RHBDL1: variants seen among roughly 807,000 people sequenced by gnomAD.
RHBDL1 encodes rhomboid-related protein 1.
Under a neutral mutation model 34.0 loss-of-function variants are expected in RHBDL1, and 21 were observed. That is an observed-to-expected ratio of 0.62 (90% confidence interval 0.44 to 0.89). The LOEUF is 0.89. RHBDL1 is among the 40% of genes least tolerant of loss of function. The pLI is 0.00. For missense variants in RHBDL1, 450 were observed against 530.6 expected, an observed-to-expected ratio of 0.85 and a Z score of 1.49; for synonymous variants, 268 against 234.8, an observed-to-expected ratio of 1.14 and a Z score of -1.29.
chr16:675,786 G>T lies in RHBDL1; in HGVS notation c.-5G>T. On this transcript the variant is annotated 5_prime_UTR_variant, in exon 1 of 8. Transcript: ENST00000352681. The stretch of plus-strand genomic sequence containing the variant: ...ACCCCGGACCCCGGCCCCCGGCCAG[G>T]CTCTATGGACAGGAGCTCGCTGCTG... 1 of 1,484,270 alleles carries T rather than the reference G, an allele frequency of 6.7e-7. No homozygotes were observed. The allele number at this position is 1,484,270 out of a possible 1,614,324, so 91.9% of individuals were successfully genotyped here.
chr16:677,241 C>A, intron 4 of RHBDL1, 35 bp from the exon 5 acceptor site: 3 of 1,554,544 alleles, frequency 1.9e-6, no homozygotes, highest in Non-Finnish European at 2.6e-6. Flanking sequence ...ATGGCTGACC[C>A]CACCCTTCGT....
In RHBDL1 at chr16:677,904, C is replaced by T; in HGVS notation, c.974C>T (p.Thr325Ile). Residue 325 changes from threonine (T) to isoleucine (I), a missense_variant, in exon 8 of 8, where the codon ACC becomes ATC. Thr to Ile is a moderately conservative substitution (Grantham distance 89). Transcript: ENST00000352681. ...GAVVGVSMGLTILRSYEERLR... is the reference protein window; with the variant it reads ...GAVVGVSMGLIILRSYEERLR... ...GTGGTGGGGGTGAGCATGGGCCTGA[C>T]CATCCTGCGGAGCTACGAGGAGCGC... is the stretch of plus-strand genomic sequence containing the variant. 1 of 1,602,284 alleles carries T rather than the reference C, an allele frequency of 6.2e-7. No homozygotes were observed. The highest frequency in any genetic ancestry group is 8.5e-7 in the Non-Finnish European group (1 of 1,178,994).
chr16:677,229 G>A lies in RHBDL1; in HGVS notation c.576-47G>A, dbSNP rs756491614. On this transcript the variant is annotated intron_variant, in intron 4 of 7. Coordinates refer to ENST00000352681, the MANE Select transcript of RHBDL1 (RefSeq NM_001278720.2). ...TGAGGTGACGGCTGGGGGTGGGGCC[G>A]GATGGCTGACCCCACCCTTCGTACC... 1.4e-4 allele frequency: 212 copies of A among 1,552,014 alleles called. 1 individual carries two copies. Among genetic ancestry groups the A allele is most frequent in the Non-Finnish European group, 1.6e-4 (188 of 1,147,118 alleles).
Position 678,234 on chromosome 16 carries a change from C to T in RHBDL1, c.*182C>T, listed in dbSNP as rs894447130. 35 of 1,367,788 alleles carry T rather than the reference C, an allele frequency of 2.6e-5. No individual in the cohort carries two copies. Among genetic ancestry groups the T allele is most frequent in the Non-Finnish European group, 3.2e-5 (34 of 1,066,882 alleles). 84.7% of individuals were successfully genotyped at this position (1,367,788 alleles called of 1,614,324 possible). On this transcript the variant is annotated 3_prime_UTR_variant, in exon 8 of 8. Coordinates refer to ENST00000352681, the MANE Select transcript of RHBDL1 (RefSeq NM_001278720.2). The stretch of plus-strand genomic sequence containing the variant: ...CCACTCCCAGGACTTGCGGTCTGAG[C>T]CTTTTTGGATAATTAATAAATATTT...
chr16:677,584 C>T (rs766907463), intron 6 of RHBDL1, 25 bp downstream of exon 6: 33 of 1,606,358 alleles, frequency 2.1e-5, no homozygotes, highest in South Asian at 4.4e-5. Context: ...CGGTGGGGGG[C>T]GTGGGGAGGG....
At position 677,493 on chromosome 16, in the gene RHBDL1, C is replaced by A; in HGVS notation, c.723C>A (p.Ala241=). The stretch of plus-strand genomic sequence containing the variant: ...CCGTCTCCATCACCGACATGCGGGC[C>A]CCGGTGGTGGGAGGCTCCGGCGGGG... ...SLTVSITDMR[A]PVVGGSGGVY... is the part of the protein sequence containing the mutation. Residue 241 remains alanine, a synonymous_variant, in exon 6 of 8, where the codon GCC becomes GCA. Coordinates refer to ENST00000352681, the MANE Select transcript of RHBDL1 (RefSeq NM_001278720.2). 1 of 1,609,054 alleles carries A rather than the reference C, an allele frequency of 6.2e-7. No homozygotes were observed.
Position 676,300 on chromosome 16 carries a change from C to G in RHBDL1, c.40-36C>G. ...AGCCCTTTGGTCCAGGGGTCGGGCC[C>G]GCACTCAGGCCTTGGCTGGCGGCTC... On this transcript the variant is annotated intron_variant, in intron 1 of 7. Transcript: ENST00000352681. This position sits in a 1 kb window ranked among gnomAD's most constrained non-coding sequence, Gnocchi z 6.9. 1.9e-6 allele frequency: 3 copies of G among 1,599,812 alleles called. No individual in the cohort carries two copies. Among genetic ancestry groups the G allele is most frequent in the East Asian group, 2.3e-5 (1 of 44,130 alleles).
chr16:677,399 C>G lies in RHBDL1; in HGVS notation c.688+11C>G. The G allele has an allele frequency of 6.4e-7, 1 of 1,564,798 alleles. No individual in the cohort carries two copies. Among genetic ancestry groups the G allele is most frequent in the Admixed American group, 1.9e-5 (1 of 53,480 alleles). ...CAGGCGTGCTGGCAGGTGAGGCAGGCGCGCACCCCCGCCCCCTGCCCTGGC... is the reference window on the plus strand; with the variant it reads ...CAGGCGTGCTGGCAGGTGAGGCAGGGGCGCACCCCCGCCCCCTGCCCTGGC... On this transcript the variant is annotated intron_variant, in intron 5 of 7. Transcript: ENST00000352681.
Position 677,709 on chromosome 16 carries a change from G to C in RHBDL1, c.850+10G>C, listed in dbSNP as rs1193055767. ...CTGGCCTTGGTGTGCAGTGAGTAGGGGCCGGGGGGAGGGCCGGGGGGCCTC... is the reference window on the plus strand; with the variant it reads ...CTGGCCTTGGTGTGCAGTGAGTAGGCGCCGGGGGGAGGGCCGGGGGGCCTC... On this transcript the variant is annotated intron_variant, in intron 7 of 7. Coordinates refer to ENST00000352681, the MANE Select transcript of RHBDL1 (RefSeq NM_001278720.2). The C allele has an allele frequency of 6.5e-7, 1 of 1,530,736 alleles. No homozygotes were observed. The highest frequency in any genetic ancestry group is 1.4e-5 in the African/African-American group (1 of 72,412). The allele number at this position is 1,530,736 out of a possible 1,614,324, so 94.8% of individuals were successfully genotyped here. A position where few individuals can be genotyped will look rare whatever the true frequency, so the allele number is the denominator to read the frequency against.
rs765930196 is a variant in RHBDL1 at position 677,992 on chromosome 16, C to T, written c.1062C>T (p.Ala354=). 41 of 1,599,512 alleles carry T rather than the reference C, an allele frequency of 2.6e-5. No homozygotes were observed. The highest frequency in any genetic ancestry group is 3.3e-5 in the Admixed American group (2 of 59,814). Residue 354 remains alanine (A), a synonymous_variant, in exon 8 of 8, where the codon GCC becomes GCT. Coordinates refer to ENST00000352681, the MANE Select transcript of RHBDL1 (RefSeq NM_001278720.2). ...CCTACGGCACCTTCCTGCTCTTCGC[C>T]GTCTTCTGGAACGTCTTCGCCTACG... is the stretch of plus-strand genomic sequence containing the variant. ...LLAYGTFLLF[A]VFWNVFAYDL...
chr16:676,172 C>T lies in RHBDL1; in HGVS notation c.40-164C>T. ...TGGGACCCAGGCACCAGTGCCCTGC[C>T]AGCTCCTGGGATCAAGCAGGGTCCC... On this transcript the variant is annotated intron_variant, in intron 1 of 7. Coordinates refer to ENST00000352681, the MANE Select transcript of RHBDL1 (RefSeq NM_001278720.2). The surrounding 1 kb of genome is among the most constrained non-coding windows in gnomAD (Gnocchi z 6.9). 1 of 1,489,120 alleles carries T rather than the reference C, an allele frequency of 6.7e-7. No individual in the cohort carries two copies. Among genetic ancestry groups the T allele is most frequent in the Non-Finnish European group, 9.0e-7 (1 of 1,115,682 alleles). 92.2% of individuals were successfully genotyped at this position (1,489,120 alleles called of 1,614,324 possible). A position where few individuals can be genotyped will look rare whatever the true frequency, so the allele number is the denominator to read the frequency against.
rs578122354 is a variant in RHBDL1 at position 676,912 on chromosome 16, G to C, written c.426+16G>C. 6.2e-7 allele frequency: 1 copy of C among 1,610,906 alleles called. No individual in the cohort carries two copies. Among genetic ancestry groups the C allele is most frequent in the African/African-American group, 1.3e-5 (1 of 74,616 alleles). On this transcript the variant is annotated intron_variant, in intron 3 of 7. Coordinates refer to ENST00000352681, the MANE Select transcript of RHBDL1 (RefSeq NM_001278720.2). The surrounding 1 kb of genome is among the most constrained non-coding windows in gnomAD (Gnocchi z 6.9). ...TCTTGCCCAGGTGGGCCCCCCGGCC[G>C]CTGCCCCGGGAGCCTCCCGCGCTCC...
intron 7 of RHBDL1, 25 bp downstream of exon 7, chr16:677,724 C>A (rs765090001): frequency 2.0e-6 from 3 of 1,523,510 alleles, no homozygotes; most frequent in Admixed American, 4.2e-5. Context: ...GGGGGAGGGC[C>A]GGGGGGCCTC....
In RHBDL1 at chr16:676,008, C is replaced by T; in HGVS notation, c.39+179C>T. On this transcript the variant is annotated intron_variant, in intron 1 of 7. Transcript: ENST00000352681. This position sits in a 1 kb window ranked among gnomAD's most constrained non-coding sequence, Gnocchi z 6.9. ...GAGAGGACTGACTGGACCAGAGCTC[C>T]TGGCTGGAGAAGGGAGAGTCGGGGG... is the stretch of plus-strand genomic sequence containing the variant. The T allele has an allele frequency of 8.0e-6, 10 of 1,249,778 alleles. No homozygotes were observed. The South Asian group carries it at 1.1e-4, about 14-fold the overall frequency. 77.4% of individuals were successfully genotyped at this position (1,249,778 alleles called of 1,614,324 possible).
Position 677,422 on chromosome 16 carries a change from G to A in RHBDL1, c.688+34G>A, listed in dbSNP as rs764952260. 4.4e-6 allele frequency: 7 copies of A among 1,576,974 alleles called. No homozygotes were observed. In the Admixed American group the frequency reaches 7.2e-5, roughly 16 times the overall value. On this transcript the variant is annotated intron_variant, in intron 5 of 7. Coordinates refer to ENST00000352681, the MANE Select transcript of RHBDL1 (RefSeq NM_001278720.2). ...GGCGCGCACCCCCGCCCCCTGCCCT[G>A]GCCGGCTGCACCCTCACCCGCCGCT... is the stretch of plus-strand genomic sequence containing the variant.
chr16:678,105 C>T lies in RHBDL1; in HGVS notation c.*53C>T. On this transcript the variant is annotated 3_prime_UTR_variant, in exon 8 of 8. Coordinates refer to ENST00000352681, the MANE Select transcript of RHBDL1 (RefSeq NM_001278720.2). The stretch of plus-strand genomic sequence containing the variant: ...GGCTCGGGCATGTGGTGGCCGCCCA[C>T]CAGGGGCCTTCACGTCTGCCCTTTG... 6.7e-7 allele frequency: 1 copy of T among 1,486,458 alleles called. No individual in the cohort carries two copies. The highest frequency in any genetic ancestry group is 2.4e-5 in the East Asian group (1 of 41,764). 92.1% of individuals were successfully genotyped at this position (1,486,458 alleles called of 1,614,324 possible). A position where few individuals can be genotyped will look rare whatever the true frequency, so the allele number is the denominator to read the frequency against.
At chr16:675,870 A>T in intron 1 of RHBDL1, 41 bp downstream of exon 1, 1 of 1,486,646 alleles carries the variant, frequency 6.7e-7, no homozygotes, top group East Asian at 2.7e-5. Flanking sequence ...ACCGCCCCCA[A>T]TGCGGCCCTC....
chr16:678,162 TG>T lies in RHBDL1; in HGVS notation c.*113del. On this transcript the variant is annotated 3_prime_UTR_variant, in exon 8 of 8. Transcript: ENST00000352681. Reference sequence around the variant, plus strand: ...GACGTCTCAGGGCTGCTGTGCCCCTTGGGTGTGGGTGGCCTCAAAGGAGGCC... The same window carrying T: ...GACGTCTCAGGGCTGCTGTGCCCCTTGGTGTGGGTGGCCTCAAAGGAGGCC... The T allele has an allele frequency of 1.4e-6, 2 of 1,400,398 alleles. No individual in the cohort carries two copies. The highest frequency in any genetic ancestry group is 1.8e-6 in the Non-Finnish European group (2 of 1,083,592). The allele number at this position is 1,400,398 out of a possible 1,614,324, so 86.7% of individuals were successfully genotyped here.
chr16:675,863 GCC>G, intron 1 of RHBDL1, 34 bp downstream of exon 1: 1 of 1,491,346 alleles, frequency 6.7e-7, no homozygotes, highest in South Asian at 1.3e-5. Context: ...AGCTGGCACC[GCC>G]CCCAATGCGG....
Sources: allele counts gnomAD v4.1 joint callset, GRCh38; gene constraint gnomAD v4.1.1; non-coding constraint Gnocchi (gnomAD v3.1); transcripts MANE v1.5; gene names NCBI Gene and HGNC (gene_info 2026-07-23, HGNC 2026-07-21).